Variants in ADCK1 observed in about 807,000 individuals in gnomAD.
The protein encoded by ADCK1 is aarF domain containing kinase 1.
ADCK1 carries 41 observed loss-of-function variants against 52.3 expected under a neutral mutation model. The observed-to-expected ratio is 0.78, with a 90% CI of 0.61 to 1.02. ADCK1 has a LOEUF of 1.02. ADCK1 is among the 50% of genes least tolerant of loss of function. ADCK1 has a pLI of 0.00. For synonymous variants in ADCK1, 250 were observed against 274.6 expected (o/e 0.91, Z 0.89); for missense variants, 658 against 679.5 (o/e 0.97, Z 0.35).
intron 3 of ADCK1, among the ~76,000 whole-genome samples, chr14:77,847,816 C>G (rs939556865): frequency 6.6e-6 from 1 of 152,156 alleles, no homozygotes; most frequent in East Asian, 1.9e-4. Context: ...GTTTCTATAA[C>G]GAGGCCTTCC....
At chr14:77,890,142 C>A (rs1404644817) in intron 5 of ADCK1, among the ~76,000 whole-genome samples, 1 of 152,232 alleles carries the variant, frequency 6.6e-6, no homozygotes, top group Non-Finnish European at 1.5e-5. Flanking sequence ...AAACAACAGT[C>A]ATGTGTTTTG....
chr14:77,825,155 A>G (rs541118219), intron 3 of ADCK1, among the ~76,000 whole-genome samples: 2 of 152,282 alleles, frequency 1.3e-5, no homozygotes, highest in African/African-American at 2.4e-5. Context: ...AGTTGGTTAC[A>G]TGCCTTTCTT....
At chr14:77,894,728 C>CTTTTTTT (rs2083363402) in intron 5 of ADCK1, among the ~76,000 whole-genome samples, 1 of 56,272 alleles carries the variant, frequency 1.8e-5, no homozygotes, top group African/African-American at 5.2e-5. Context: ...TTTTTCTTTT[C>CTTTTTTT]TTTTCTTGTT....
chr14:77,909,325 G>C (rs1199628644), intron 7 of ADCK1, among the ~76,000 whole-genome samples: 2 of 152,014 alleles, frequency 1.3e-5, no homozygotes, highest in Non-Finnish European at 2.9e-5. Flanking sequence ...AGTAGAGACA[G>C]GGTTTCTCCA....
rs75147305 is a variant in ADCK1 at position 77,861,722 on chromosome 14, G to T, written c.423+2443G>T. On this transcript the variant is annotated intron_variant, in intron 4 of 10. Transcript: ENST00000238561. The stretch of plus-strand genomic sequence containing the variant: ...TGTAGAGAGCGGTGGTGTGGTGAGG[G>T]AGGTGCTTGGATGGTCAACAGCAGT... Among the ~76,000 whole-genome samples, 103 of 152,294 alleles carry T rather than the reference G, an allele frequency of 6.8e-4. No homozygotes were observed. The East Asian group carries it at 0.019, about 28-fold the overall frequency.
At chr14:77,877,871 G>A (rs1161689711) in intron 4 of ADCK1, among the ~76,000 whole-genome samples, 1 of 152,190 alleles carries the variant, frequency 6.6e-6, no homozygotes, top group Non-Finnish European at 1.5e-5. Context: ...CTTCCAAAGT[G>A]CTGGGATTAC....
intron 1 of ADCK1, among the ~76,000 whole-genome samples, chr14:77,809,312 GT>G (rs912566885): frequency 1.3e-4 from 20 of 152,052 alleles, no homozygotes; most frequent in African/African-American, 4.8e-4. Context: ...TACTTCCCCT[GT>G]TTATGTTTTA....
rs144939796 is a variant in ADCK1 at position 77,859,516 on chromosome 14, C to T, written c.423+237C>T. ...ATATGAGACTGTTATTGACCTGAAA[C>T]CTATATATCATTCATATGGTTCAAC... On this transcript the variant is annotated intron_variant, in intron 4 of 10. Coordinates refer to ENST00000238561, the MANE Select transcript of ADCK1 (RefSeq NM_020421.4). Among the ~76,000 whole-genome samples the T allele has an allele frequency of 1.4e-4, 22 of 152,252 alleles. No homozygotes were observed. In the East Asian group the frequency reaches 3.9e-3, roughly 27 times the overall value.
At chr14:77,809,340 A>G (rs1056081308) in intron 1 of ADCK1, among the ~76,000 whole-genome samples, 4 of 151,814 alleles carry the variant, frequency 2.6e-5, no homozygotes, top group South Asian at 2.1e-4. Context: ...AATACAAAAA[A>G]TTTTTTGAGA....
intron 2 of ADCK1, among the ~76,000 whole-genome samples, chr14:77,822,135 C>T (rs995490216): frequency 6.6e-6 from 1 of 152,056 alleles, no homozygotes; most frequent in African/African-American, 2.4e-5. Flanking sequence ...AGTTCATAAA[C>T]AAGGAGACAA....
At chr14:77,885,306 T>G (rs2083123731) in intron 4 of ADCK1, among the ~76,000 whole-genome samples, 1 of 152,154 alleles carries the variant, frequency 6.6e-6, no homozygotes, top group Admixed American at 6.5e-5. Context: ...AAGACAAGTG[T>G]GTTTTTGGGG....
At chr14:77,817,954 G>T (rs536554212) in intron 1 of ADCK1, among the ~76,000 whole-genome samples, 1 of 151,608 alleles carries the variant, frequency 6.6e-6, no homozygotes, top group Non-Finnish European at 1.5e-5. Context: ...TAGCCAGGAT[G>T]GTCTTGATCT....
intron 4 of ADCK1, among the ~76,000 whole-genome samples, chr14:77,876,866 A>G (rs1470417230): frequency 6.6e-6 from 1 of 152,190 alleles, no homozygotes; most frequent in Non-Finnish European, 1.5e-5. Context: ...TGCTGGTATC[A>G]TATGCCAAGT....
intron 2 of ADCK1, among the ~76,000 whole-genome samples, chr14:77,820,717 AC>A (rs2081563824): frequency 6.6e-6 from 1 of 151,356 alleles, no homozygotes; most frequent in Non-Finnish European, 1.5e-5. Context: ...AGGTTAAAAA[AC>A]AATCCAAATC....
intron 5 of ADCK1, among the ~76,000 whole-genome samples, chr14:77,898,813 T>A (rs1046168870): frequency 1.3e-5 from 2 of 151,968 alleles, no homozygotes; most frequent in Non-Finnish European, 2.9e-5. Context: ...TAAAATAAAA[T>A]AAAAAATAAG....
Position 77,925,745 on chromosome 14 carries a change from G to A in ADCK1, c.1009-19G>A, listed in dbSNP as rs201319466. The A allele has an allele frequency of 5.6e-5, 90 of 1,613,320 alleles. No homozygotes were observed. In the African/African-American group the frequency reaches 5.7e-4, roughly 10 times the overall value. On this transcript the variant is annotated intron_variant, in intron 8 of 10. Coordinates refer to ENST00000238561, the MANE Select transcript of ADCK1 (RefSeq NM_020421.4). ...GGGGAGACGAGGCTTAGGTCCCACC[G>A]CTGCCGCCTCCACCCTAGATGCTCA...
chr14:77,813,212 G>T (rs1390346397), intron 1 of ADCK1, among the ~76,000 whole-genome samples: 1 of 152,036 alleles, frequency 6.6e-6, no homozygotes, highest in Non-Finnish European at 1.5e-5. Flanking sequence ...GTGTTGGTCA[G>T]TCTGGTCTTG....
chr14:77,805,378 C>T (rs1483591861), intron 1 of ADCK1, among the ~76,000 whole-genome samples: 6 of 148,316 alleles, frequency 4.0e-5, no homozygotes, highest in Non-Finnish European at 8.9e-5. Flanking sequence ...TCTCCTGCCT[C>T]AGCCTCCCGA....
rs915697481 is a variant in ADCK1, at chr14:77,923,080, C to A, written c.859-1377C>A. ...AACAAAGCTGTTTAATAAAGCAGAG[C>A]GAGTCCCTCCTATCTTGGGAGTTTA... is the stretch of plus-strand genomic sequence containing the variant. On this transcript the variant is annotated intron_variant, in intron 7 of 10. Transcript: ENST00000238561. The surrounding 1 kb of genome is among the most constrained non-coding windows in gnomAD (Gnocchi z 4.3). Among the ~76,000 whole-genome samples, 2 of 152,188 alleles carry A rather than the reference C, an allele frequency of 1.3e-5. No homozygotes were observed. The highest frequency in any genetic ancestry group is 2.9e-5 in the Non-Finnish European group (2 of 68,044).
Sources: gnomAD v4.1 joint callset for allele counts (sites outside exome capture counted in the v4.1 genomes callset) on GRCh38, gnomAD v4.1.1 for gene constraint, Gnocchi (gnomAD v3.1) non-coding constraint, MANE v1.5 for transcripts, NCBI Gene and HGNC (gene_info 2026-07-23, HGNC 2026-07-21) for gene names.